Variants in NCKAP5 observed in about 807,000 individuals in gnomAD.
NCKAP5 encodes NCK associated protein 5, also known as nck-associated protein 5.
In NCKAP5, 92 loss-of-function variants were observed where a neutral mutation model predicts 167.0. The ratio of observed to expected loss-of-function variants is 0.55; its 90% CI spans 0.47 to 0.66. NCKAP5 has a LOEUF of 0.66. Among genes scored for constraint, NCKAP5 ranks in the 30% least tolerant of loss-of-function variants. The pLI is 0.00. For synonymous variants in NCKAP5, 891 were observed against 877.4 expected, an observed-to-expected ratio of 1.02 and a Z score of -0.27; for missense variants, 2,378 against 2,315.0, an observed-to-expected ratio of 1.03 and a Z score of -0.56.
intron 6 of NCKAP5, among the ~76,000 whole-genome samples, chr2:133,050,630 C>T (rs1005535115): frequency 3.9e-5 from 6 of 152,178 alleles, no homozygotes; most frequent in African/African-American, 1.4e-4. Context: ...TAATTCAGAG[C>T]ACATTATCAA....
chr2:133,618,405 T>C, the NCKAP5 span, among the ~76,000 whole-genome samples: 2 of 151,786 alleles, frequency 1.3e-5, no homozygotes, highest in Non-Finnish European at 2.9e-5. Context: ...AACCCACTCA[T>C]CTGACAAAGG....
chr2:132,869,266 C>T (rs936414136), intron 9 of NCKAP5, among the ~76,000 whole-genome samples: 2 of 152,142 alleles, frequency 1.3e-5, no homozygotes, highest in Admixed American at 1.3e-4. Context: ...CTTTCATATA[C>T]TCCAAGAAGG....
Position 133,506,767 on chromosome 2 carries a change from T to C in NCKAP5, c.69+10691A>G, listed in dbSNP as rs572086012. Among the ~76,000 whole-genome samples, 104 of 152,330 alleles carry C rather than the reference T, an allele frequency of 6.8e-4. 1 individual carries two copies. The highest frequency in any genetic ancestry group is 2.3e-3 in the African/African-American group (95 of 41,582). On this transcript the variant is annotated intron_variant, in intron 3 of 19. Transcript: ENST00000409261. Reference sequence around the variant, plus strand: ...TGCCACCCCTTTTAAAGAGGCCCTTTATTAAACTCTCCTCCAGTACCTGGC... The same window carrying C: ...TGCCACCCCTTTTAAAGAGGCCCTTCATTAAACTCTCCTCCAGTACCTGGC...
At chr2:132,852,396 CTT>C (rs1689144981) in intron 11 of NCKAP5, among the ~76,000 whole-genome samples, 1 of 152,146 alleles carries the variant, frequency 6.6e-6, no homozygotes, top group South Asian at 2.1e-4. Context: ...TTAAAACAAA[CTT>C]TAGACACAGA....
intron 6 of NCKAP5, among the ~76,000 whole-genome samples, chr2:133,104,563 A>G (rs924433118): frequency 2.6e-5 from 4 of 152,188 alleles, no homozygotes; most frequent in Admixed American, 6.5e-5. Context: ...CATGTTTTTC[A>G]TTTATATCTC....
chr2:132,988,797 G>A (rs2077370549), intron 7 of NCKAP5, among the ~76,000 whole-genome samples: 1 of 152,204 alleles, frequency 6.6e-6, no homozygotes, highest in African/African-American at 2.4e-5. Context: ...GTGAAAAAAA[G>A]GAATGTAATC....
intron 16 of NCKAP5, among the ~76,000 whole-genome samples, chr2:132,749,757 T>C (rs779677653): frequency 9.2e-5 from 14 of 152,118 alleles, no homozygotes; most frequent in Admixed American, 5.9e-4. Flanking sequence ...AAAAAAACCT[T>C]CAAATGTCTG....
intron 16 of NCKAP5, among the ~76,000 whole-genome samples, chr2:132,754,805 G>A (rs549316212): frequency 2.6e-4 from 39 of 152,300 alleles, no homozygotes; most frequent in African/African-American, 9.4e-4. Context: ...TAAAAAACAG[G>A]CCAGGGAAAT....
At position 132,728,810 on chromosome 2, in the gene NCKAP5, C is replaced by T. The variant is rs765686116; in HGVS notation, c.5580+6G>A. On this transcript the variant is annotated splice_donor_region_variant and intron_variant, in intron 18 of 19. Transcript: ENST00000409261. ...ATTGCACCCTTCACCTCCCCCGACC[C>T]CTCACCTGGGTCCCGGTGGCAGCAA... 10 of 1,613,510 alleles carry T rather than the reference C, an allele frequency of 6.2e-6. No homozygotes were observed. In the African/African-American group the frequency reaches 1.1e-4, roughly 17 times the overall value.
At chr2:133,308,799 T>C (rs1317640516) in intron 3 of NCKAP5, among the ~76,000 whole-genome samples, 5 of 142,994 alleles carry the variant, frequency 3.5e-5, no homozygotes, top group Non-Finnish European at 6.1e-5. Context: ...AGCTCTCTGC[T>C]TCCCGGGTTC....
intron 6 of NCKAP5, among the ~76,000 whole-genome samples, chr2:133,051,952 AT>A (rs955502467): frequency 1.8e-4 from 28 of 152,264 alleles, no homozygotes; most frequent in Admixed American, 3.9e-4. Context: ...TGACACATGT[AT>A]TTTTTTCAAT....
chr2:132,744,935 C>T (rs1328273787), intron 16 of NCKAP5, among the ~76,000 whole-genome samples: 1 of 151,610 alleles, frequency 6.6e-6, no homozygotes, highest in East Asian at 1.9e-4. Context: ...CCAAATAGTC[C>T]TATATCAATT....
chr2:133,015,265 C>T (rs1357843073), intron 6 of NCKAP5, among the ~76,000 whole-genome samples: 2 of 151,916 alleles, frequency 1.3e-5, no homozygotes, highest in African/African-American at 2.4e-5. Flanking sequence ...AGTAATTTGT[C>T]CAAAGTCATA....
chr2:133,151,653 T>A (rs563388574), intron 5 of NCKAP5, among the ~76,000 whole-genome samples: 12 of 152,316 alleles, frequency 7.9e-5, no homozygotes, highest in African/African-American at 2.9e-4. Context: ...CAACAGGAAC[T>A]CTCATTCACT....
chr2:133,534,590 G>A (rs1306379080), intron 2 of NCKAP5, among the ~76,000 whole-genome samples: 1 of 152,130 alleles, frequency 6.6e-6, no homozygotes, highest in Non-Finnish European at 1.5e-5. Flanking sequence ...ATCATGATAA[G>A]TAATCTTTGT....
At chr2:133,360,627 C>T (rs1478776022) in intron 3 of NCKAP5, among the ~76,000 whole-genome samples, 1 of 152,018 alleles carries the variant, frequency 6.6e-6, no homozygotes, top group African/African-American at 2.4e-5. Context: ...CAATGAAGTA[C>T]CCTCCTCCCA....
At chr2:133,217,858 G>T (rs1185916661) in intron 4 of NCKAP5, among the ~76,000 whole-genome samples, 1 of 152,028 alleles carries the variant, frequency 6.6e-6, no homozygotes, top group East Asian at 1.9e-4. Flanking sequence ...TTCCCACAGG[G>T]TATCCTCTGG....
At chr2:133,527,590 A>G (rs749014278) in intron 2 of NCKAP5, among the ~76,000 whole-genome samples, 17 of 152,158 alleles carry the variant, frequency 1.1e-4, no homozygotes, top group African/African-American at 1.9e-4. Context: ...AACAATAGGA[A>G]GAATTTTTAG....
At chr2:133,178,694 G>A (rs193227502) in intron 5 of NCKAP5, among the ~76,000 whole-genome samples, 9,107 of 149,416 alleles carry the variant, frequency 0.061, 312 homozygotes, top group African/African-American at 0.089. Flanking sequence ...GCGCGGTGGC[G>A]GGCACCTGTA....
Sources: gnomAD v4.1 joint callset for allele counts (sites outside exome capture counted in the v4.1 genomes callset) on GRCh38, gnomAD v4.1.1 for gene constraint, MANE v1.5 for transcripts, NCBI Gene and HGNC (gene_info 2026-07-23, HGNC 2026-07-21) for gene names.